LRRC72: variants seen among roughly 807,000 people sequenced by gnomAD.
LRRC72 encodes the protein leucine rich repeat containing 72, also known as leucine-rich repeat-containing protein 72.
LRRC72 carries 41 observed loss-of-function variants against 35.8 expected under a neutral mutation model. That is an observed-to-expected ratio of 1.15 (90% CI 0.89 to 1.49). LRRC72 has a LOEUF of 1.49. Among genes scored for constraint, LRRC72 ranks in the 40% most tolerant of loss-of-function variants. The pLI, the probability that LRRC72 is intolerant of heterozygous loss-of-function variation, is 0.00. For missense variants in LRRC72, 389 were observed against 330.7 expected, an observed-to-expected ratio of 1.18 and a Z score of -1.37; for synonymous variants, 118 against 119.2, an observed-to-expected ratio of 0.99 and a Z score of 0.07.
chr7:16,559,286 T>C (rs531107023), intron 5 of LRRC72, among the ~76,000 whole-genome samples: 2 of 151,798 alleles, frequency 1.3e-5, no homozygotes, highest in South Asian at 4.2e-4. Flanking sequence ...CCCAGCTACT[T>C]GAGAGGCTGA....
At chr7:16,539,257 C>T (rs139708621) in intron 3 of LRRC72, among the ~76,000 whole-genome samples, 121 of 152,308 alleles carry the variant, frequency 7.9e-4, no homozygotes, top group African/African-American at 2.8e-3. Flanking sequence ...GTCACTCATG[C>T]TATGCTTTAG....
intron 3 of LRRC72, among the ~76,000 whole-genome samples, chr7:16,551,140 A>T (rs1782541389): frequency 6.6e-6 from 1 of 152,220 alleles, no homozygotes; most frequent in Non-Finnish European, 1.5e-5. Flanking sequence ...TATAACAAAA[A>T]GGAGACTAGG....
At chr7:16,578,480 A>G (rs1020564165) in intron 7 of LRRC72, among the ~76,000 whole-genome samples, 1 of 152,182 alleles carries the variant, frequency 6.6e-6, no homozygotes, top group African/African-American at 2.4e-5. Context: ...ACAGAGTGAG[A>G]CTCCATCTCA....
intron 4 of LRRC72, 91 bp from the exon 5 acceptor site, chr7:16,558,798 T>C (rs969020884): frequency 3.0e-5 from 19 of 635,252 alleles, no homozygotes; most frequent in Non-Finnish European, 4.1e-5. Flanking sequence ...AGCATGTTAA[T>C]TAGCATTAAA....
intron 3 of LRRC72, among the ~76,000 whole-genome samples, chr7:16,544,854 T>C (rs1232494104): frequency 6.6e-6 from 1 of 152,246 alleles, no homozygotes; most frequent in Non-Finnish European, 1.5e-5. Flanking sequence ...AAATGGAATC[T>C]GGGTTTCTGC....
intron 1 of LRRC72, among the ~76,000 whole-genome samples, chr7:16,531,184 A>ATC (rs1782155609): frequency 6.6e-6 from 1 of 151,666 alleles, no homozygotes. Flanking sequence ...CTCTCTCAAA[A>ATC]AAAAAAAAAA....
At chr7:16,562,753 C>T (rs1782765182) in intron 5 of LRRC72, among the ~76,000 whole-genome samples, 1 of 152,154 alleles carries the variant, frequency 6.6e-6, no homozygotes, top group African/African-American at 2.4e-5. Flanking sequence ...CCTATAATGC[C>T]CTTCCAGGTG....
chr7:16,570,142 A>T (rs1782918512), intron 7 of LRRC72, among the ~76,000 whole-genome samples: 1 of 152,222 alleles, frequency 6.6e-6, no homozygotes, highest in South Asian at 2.1e-4. Context: ...GTTACTAGGC[A>T]AATGTTCTTT....
chr7:16,569,561 C>T (rs1236796042), intron 7 of LRRC72, among the ~76,000 whole-genome samples: 1 of 152,142 alleles, frequency 6.6e-6, no homozygotes, highest in Non-Finnish European at 1.5e-5. Context: ...GTTTCAGCAG[C>T]AGACATCATT....
intron 3 of LRRC72, among the ~76,000 whole-genome samples, chr7:16,555,496 G>A (rs1236610866): frequency 6.6e-6 from 1 of 152,176 alleles, no homozygotes; most frequent in Admixed American, 6.5e-5. Context: ...TTCCTGGCCG[G>A]ACATGGTGGC....
Position 16,581,432 on chromosome 7 carries a change from G to T in LRRC72, c.807G>T (p.Arg269Ser), listed in dbSNP as rs1360805893. Residue 269 changes from arginine to serine, a missense_variant, in exon 9 of 9, where the codon AGG becomes AGT. Physicochemically the swap from Arg to Ser is moderately radical, Grantham distance 110 (BLOSUM62 -1). Coordinates refer to ENST00000401542, the MANE Select transcript of LRRC72 (RefSeq NM_001195280.2). The part of the protein sequence containing the change: ...NWDTVPTREE[R>S]YLEEEGTETA... ...ACACAGTTCCAACACGAGAGGAAAG[G>T]TACCTTGAAGAGGAAGGCACAGAAA... 6 of 1,550,322 alleles carry T rather than the reference G, an allele frequency of 3.9e-6. No homozygotes were observed. Among genetic ancestry groups the T allele is most frequent in the Admixed American group, 3.9e-5 (2 of 50,888 alleles).
chr7:16,565,634 C>A (rs1354493221), intron 5 of LRRC72, among the ~76,000 whole-genome samples: 1 of 152,150 alleles, frequency 6.6e-6, no homozygotes, highest in Non-Finnish European at 1.5e-5. Flanking sequence ...GCCAGGGCTG[C>A]TTCTGCATCC....
At chr7:16,529,371 G>A (rs913617958) in intron 1 of LRRC72, among the ~76,000 whole-genome samples, 24 of 152,122 alleles carry the variant, frequency 1.6e-4, no homozygotes, top group Admixed American at 1.4e-3. Flanking sequence ...CTTCCAGCGT[G>A]TCCAGGCTAA....
chr7:16,561,800 C>T (rs894140144), intron 5 of LRRC72, among the ~76,000 whole-genome samples: 6 of 152,166 alleles, frequency 3.9e-5, no homozygotes, highest in African/African-American at 1.2e-4. Flanking sequence ...AGACAACTAA[C>T]GTTATTTGTG....
At chr7:16,548,921 T>C (rs1208356114) in intron 3 of LRRC72, among the ~76,000 whole-genome samples, 1 of 152,192 alleles carries the variant, frequency 6.6e-6, no homozygotes, top group African/African-American at 2.4e-5. Context: ...TCATTGTATG[T>C]ATTATTTATT....
In LRRC72 at chr7:16,567,554, A is replaced by AAT; in HGVS notation, c.670+12_670+13insTA. Reference sequence around the variant, plus strand: ...AGAGAGTACCTTCAGGTATTTCGTAAAAAAAAAAAAAAAAACAAATTTAAT... The same window carrying AAT: ...AGAGAGTACCTTCAGGTATTTCGTAAATAAAAAAAAAAAAAAACAAATTTAAT... On this transcript the variant is annotated intron_variant, in intron 7 of 8. Coordinates refer to ENST00000401542, the MANE Select transcript of LRRC72 (RefSeq NM_001195280.2). 8.2e-7 allele frequency: 1 copy of AAT among 1,216,140 alleles called. No homozygotes were observed. The highest frequency in any genetic ancestry group is 1.1e-6 in the Non-Finnish European group (1 of 924,430). The allele number at this position is 1,216,140 out of a possible 1,614,324, so 75.3% of individuals were successfully genotyped here.
At chr7:16,533,742 G>T (rs577395434) in intron 2 of LRRC72, among the ~76,000 whole-genome samples, 1 of 152,112 alleles carries the variant, frequency 6.6e-6, no homozygotes, top group South Asian at 2.1e-4. Context: ...GGTAGTAAAG[G>T]AATAAATTGA....
chr7:16,528,533 G>T (rs1055311519), intron 1 of LRRC72, among the ~76,000 whole-genome samples: 1 of 151,856 alleles, frequency 6.6e-6, no homozygotes, highest in Non-Finnish European at 1.5e-5. Context: ...CCATTTACTT[G>T]CCAGTTCCCA....
At chr7:16,567,630 C>T in intron 7 of LRRC72, 87 bp downstream of exon 7, 1 of 1,064,398 alleles carries the variant, frequency 9.4e-7, no homozygotes, top group Non-Finnish European at 1.3e-6. Context: ...ATAATAACAA[C>T]TACAATTTAC....
Sources: allele counts gnomAD v4.1 joint callset (sites outside exome capture counted in the v4.1 genomes callset), GRCh38; gene constraint gnomAD v4.1.1; transcripts MANE v1.5; gene names NCBI Gene and HGNC (gene_info 2026-07-23, HGNC 2026-07-21).